ENTPD4: variants seen among roughly 807,000 people sequenced by gnomAD.
ENTPD4 encodes the protein Golgi UDPase.
A neutral mutation model predicts 79.1 loss-of-function variants in ENTPD4; 60 were observed. That is an observed-to-expected ratio of 0.76 (90% CI 0.62 to 0.94). The LOEUF (loss-of-function observed/expected upper bound fraction) is 0.94. Among genes scored for constraint, ENTPD4 ranks in the 40% least tolerant of loss-of-function variants. The probability of loss-of-function intolerance (pLI) is 0.00; values close to 1 mark genes in which losing one functional copy is unlikely to be tolerated. For synonymous variants in ENTPD4, 276 were observed against 292.0 expected (o/e 0.95, Z 0.56); for missense variants, 772 against 775.1 (o/e 1.00, Z 0.05).
At position 23,437,261 on chromosome 8, in the gene ENTPD4, A is replaced by G. The variant is rs1306234351; in HGVS notation, c.1050-3T>C. 1.8e-5 allele frequency: 28 copies of G among 1,564,808 alleles called. No individual in the cohort carries two copies. The highest frequency in any genetic ancestry group is 2.3e-5 in the Non-Finnish European group (27 of 1,158,306). On this transcript the variant is annotated splice_region_variant and splice_polypyrimidine_tract_variant and intron_variant, in intron 9 of 12. Coordinates refer to ENST00000358689, the MANE Select transcript of ENTPD4 (RefSeq NM_004901.5). ...GACCAGTCTGTTTACCCAGGAGCCT[A>G]TGGCAAAACAAGAAACTTCATCGTG...
At position 23,447,895 on chromosome 8, in the gene ENTPD4, A is replaced by G. The variant is rs1800790323; in HGVS notation, c.207-10T>C. 1 of 1,608,662 alleles carries G rather than the reference A, an allele frequency of 6.2e-7. No individual in the cohort carries two copies. Among genetic ancestry groups the G allele is most frequent in the Non-Finnish European group, 8.5e-7 (1 of 1,174,924 alleles). ...AACTCGTGCCAGGTACCTTGTATAGAAACACACGTATGCTTTGATTTAGAC... is the reference window on the plus strand; with the variant it reads ...AACTCGTGCCAGGTACCTTGTATAGGAACACACGTATGCTTTGATTTAGAC... On this transcript the variant is annotated splice_polypyrimidine_tract_variant and intron_variant, in intron 3 of 12. Coordinates refer to ENST00000358689, the MANE Select transcript of ENTPD4 (RefSeq NM_004901.5).
intron 1 of ENTPD4, among the ~76,000 whole-genome samples, chr8:23,451,670 T>C (rs1800865118): frequency 6.6e-6 from 1 of 152,192 alleles, no homozygotes; most frequent in South Asian, 2.1e-4. Context: ...TCCTTTACAC[T>C]GCATTCCAGC....
chr8:23,456,190 A>C (rs564018193), intron 1 of ENTPD4, among the ~76,000 whole-genome samples: 1 of 152,288 alleles, frequency 6.6e-6, no homozygotes, highest in East Asian at 1.9e-4. Flanking sequence ...CTATCCTCTC[A>C]TCAGTCCCAG....
Position 23,443,960 on chromosome 8 carries a change from A to G in ENTPD4, c.564-7T>C, listed in dbSNP as rs768255694. ...CAGAATAGCTTTCTGCTGGCTGTAA[A>G]GTAATAAAAACATTTACAAATCAAA... is the stretch of plus-strand genomic sequence containing the variant. On this transcript the variant is annotated splice_region_variant and splice_polypyrimidine_tract_variant and intron_variant, in intron 5 of 12. Coordinates refer to ENST00000358689, the MANE Select transcript of ENTPD4 (RefSeq NM_004901.5). 1.3e-6 allele frequency: 2 copies of G among 1,574,492 alleles called. No individual in the cohort carries two copies. The highest frequency in any genetic ancestry group is 1.7e-6 in the Non-Finnish European group (2 of 1,147,336).
At chr8:23,443,997 T>G (rs1800719100) in intron 5 of ENTPD4, 44 bp from the exon 6 acceptor site, 1 of 1,322,156 alleles carries the variant, frequency 7.6e-7, no homozygotes, top group Non-Finnish European at 1.1e-6. Flanking sequence ...GATTACAGCT[T>G]GGTATCTTCT....
intron 10 of ENTPD4, 93 bp downstream of exon 10, chr8:23,436,841 T>C: frequency 9.7e-7 from 1 of 1,027,128 alleles, no homozygotes; most frequent in Middle Eastern, 2.2e-4. Context: ...ATACTCCGTC[T>C]TTCCCTGTCA....
intron 10 of ENTPD4, among the ~76,000 whole-genome samples, chr8:23,436,283 A>G (rs1327663708): frequency 1.3e-5 from 2 of 152,180 alleles, no homozygotes; most frequent in Non-Finnish European, 2.9e-5. Flanking sequence ...ACTGGGGTGT[A>G]TAGGGAGAGA....
At chr8:23,439,555 G>A (rs1042683003) in intron 9 of ENTPD4, among the ~76,000 whole-genome samples, 194 bp downstream of exon 9, 1 of 152,184 alleles carries the variant, frequency 6.6e-6, no homozygotes, top group African/African-American at 2.4e-5. Context: ...TTCAGGGCAC[G>A]GTGGGACAGA....
At chr8:23,436,819 G>C (rs1800570108) in intron 10 of ENTPD4, 115 bp downstream of exon 10, 2 of 849,998 alleles carry the variant, frequency 2.4e-6, no homozygotes, top group Non-Finnish European at 3.7e-6. Flanking sequence ...ACATGCTGCA[G>C]TGCAGCCTTC....
At chr8:23,441,422 G>A (rs568551988) in intron 8 of ENTPD4, 147 bp downstream of exon 8, 62 of 1,462,194 alleles carry the variant, frequency 4.2e-5, no homozygotes, top group East Asian at 7.1e-5. Flanking sequence ...TGCCTTGTTC[G>A]TCCTGTCTCC....
intron 1 of ENTPD4, among the ~76,000 whole-genome samples, chr8:23,455,778 A>T (rs1800947434): frequency 6.6e-6 from 1 of 152,142 alleles, no homozygotes; most frequent in African/African-American, 2.4e-5. Context: ...TAGGGTTGAA[A>T]TCTTCTAATG....
chr8:23,447,589 G>A (rs1452303856), intron 4 of ENTPD4, 91 bp downstream of exon 4: 1 of 1,021,494 alleles, frequency 9.8e-7, no homozygotes, highest in African/African-American at 1.6e-5. Context: ...TTGACTCAGG[G>A]CCATGGTGTA....
In ENTPD4 at chr8:23,432,243, GT is replaced by G; in HGVS notation, c.*682del. The G allele has an allele frequency of 2.0e-6, 2 of 985,340 alleles. No individual in the cohort carries two copies. The highest frequency in any genetic ancestry group is 2.4e-6 in the Non-Finnish European group (2 of 829,900). 61.0% of individuals were successfully genotyped at this position (985,340 alleles called of 1,614,324 possible). A position where few individuals can be genotyped will look rare whatever the true frequency, so the allele number is the denominator to read the frequency against. The stretch of plus-strand genomic sequence containing the variant: ...AGAGGATTATCATTTCAGGCAGTAA[GT>G]TTTTTGGTTCTATGAAAGCATCACT... On this transcript the variant is annotated 3_prime_UTR_variant, in exon 13 of 13. Transcript: ENST00000358689.
At chr8:23,454,918 T>C (rs1800929009) in intron 1 of ENTPD4, among the ~76,000 whole-genome samples, 1 of 152,230 alleles carries the variant, frequency 6.6e-6, no homozygotes, top group Non-Finnish European at 1.5e-5. Context: ...CAATTGTCCT[T>C]CTAGCTAAGA....
At chr8:23,450,806 C>T (rs553002547) in intron 1 of ENTPD4, among the ~76,000 whole-genome samples, 2 of 152,284 alleles carry the variant, frequency 1.3e-5, no homozygotes, top group South Asian at 4.1e-4. Context: ...ACTTTTTCAA[C>T]AGCCTATGAG....
intron 4 of ENTPD4, among the ~76,000 whole-genome samples, chr8:23,445,290 A>G (rs1017073989): frequency 6.6e-6 from 1 of 152,066 alleles, no homozygotes; most frequent in Non-Finnish European, 1.5e-5. Flanking sequence ...AGCCTGCCAC[A>G]GCACATCCCA....
intron 6 of ENTPD4, 48 bp from the exon 7 acceptor site, chr8:23,442,114 T>C (rs1800682683): frequency 7.3e-7 from 1 of 1,364,592 alleles, no homozygotes. Context: ...TTAAAACATT[T>C]TGTGTAACTC....
chr8:23,429,511 G>A lies in ENTPD4; in HGVS notation c.*3415C>T, dbSNP rs1192098145. ...GTTGCATTGCACACAACTGACCGCA[G>A]AGAATTCTAAAGCTGATTTTTTTCT... On this transcript the variant is annotated 3_prime_UTR_variant, in exon 13 of 13. Coordinates refer to ENST00000358689, the MANE Select transcript of ENTPD4 (RefSeq NM_004901.5). 1.1e-5 allele frequency: 11 copies of A among 985,274 alleles called. No individual in the cohort carries two copies. Among genetic ancestry groups the A allele is most frequent in the Non-Finnish European group, 1.3e-5 (11 of 829,922 alleles). The allele number at this position is 985,274 out of a possible 1,614,324, so 61.0% of individuals were successfully genotyped here.
At position 23,433,110 on chromosome 8, in the gene ENTPD4, C is replaced by G; in HGVS notation, c.1667G>C (p.Arg556Pro). 1 of 1,614,178 alleles carries G rather than the reference C, an allele frequency of 6.2e-7. No individual in the cohort carries two copies. Among genetic ancestry groups the G allele is most frequent in the Non-Finnish European group, 8.5e-7 (1 of 1,180,018 alleles). ...EAFRASHTHW[R>P]GVSFVYNHYL... The stretch of plus-strand genomic sequence containing the variant: ...GTGGTTGTAGACAAAGGAAACGCCC[C>G]GCCAGTGGGTGTGACTGGCTCGGAA... Residue 556 changes from arginine to proline, a missense_variant, in exon 13 of 13, where the codon CGG becomes CCG. By Grantham distance (103) the Arg-to-Pro change is moderately radical. Transcript: ENST00000358689.
Sources: allele counts gnomAD v4.1 joint callset (sites outside exome capture counted in the v4.1 genomes callset), GRCh38; gene constraint gnomAD v4.1.1; transcripts MANE v1.5; gene names NCBI Gene and HGNC (gene_info 2026-07-23, HGNC 2026-07-21).